Variants in TOX observed in about 807,000 individuals in gnomAD.
TOX encodes thymocyte selection associated high mobility group box, also known as thymocyte selection-associated high mobility group box protein TOX.
In TOX, 11 loss-of-function variants were observed where a neutral mutation model predicts 53.7. That is an observed-to-expected ratio of 0.20 (90% confidence interval 0.13 to 0.34). The LOEUF (loss-of-function observed/expected upper bound fraction) is 0.34. TOX is among the 10% of genes least tolerant of loss of function. The probability of loss-of-function intolerance (pLI) is 1.00; values close to 1 mark genes in which losing one functional copy is unlikely to be tolerated. For synonymous variants in TOX, 225 were observed against 245.3 expected, an observed-to-expected ratio of 0.92 and a Z score of 0.77; for missense variants, 570 against 664.6, an observed-to-expected ratio of 0.86 and a Z score of 1.56.
intron 3 of TOX, among the ~76,000 whole-genome samples, chr8:58,931,268 C>A (rs1812248884): frequency 6.6e-6 from 1 of 151,846 alleles, no homozygotes; most frequent in Non-Finnish European, 1.5e-5. Context: ...AATTAATCTG[C>A]AATCTCAGGT....
At chr8:59,103,658 A>G (rs747161462) in intron 1 of TOX, among the ~76,000 whole-genome samples, 1 of 152,180 alleles carries the variant, frequency 6.6e-6, no homozygotes, top group Non-Finnish European at 1.5e-5. Context: ...ACTCCAGTGG[A>G]AAAGTTGGAA....
At position 58,819,388 on chromosome 8, in the gene TOX, C is replaced by CACTTTGAATCCCACA. The variant is rs1275308321; in HGVS notation, c.1006-3665_1006-3664insTGTGGGATTCAAAGT. On this transcript the variant is annotated intron_variant, in intron 6 of 8. Coordinates refer to ENST00000361421, the MANE Select transcript of TOX (RefSeq NM_014729.3). ...TAGCTTGTAGACAACTGAAAATCAA[C>CACTTTGAATCCCACA]CTTTGAATCCCACACTTTCACAGAA... Among the ~76,000 whole-genome samples, 4 of 152,084 alleles carry CACTTTGAATCCCACA rather than the reference C, an allele frequency of 2.6e-5. No individual in the cohort carries two copies. The East Asian group carries it at 7.8e-4, about 30-fold the overall frequency.
intron 1 of TOX, among the ~76,000 whole-genome samples, chr8:59,037,298 A>C (rs75892427): frequency 0.024 from 3,551 of 151,024 alleles, 76 homozygotes; most frequent in South Asian, 0.072. Flanking sequence ...CTAACTTTTT[A>C]AATATATTTT....
chr8:59,024,746 C>A (rs1814203798), intron 1 of TOX, among the ~76,000 whole-genome samples: 1 of 151,708 alleles, frequency 6.6e-6, no homozygotes, highest in African/African-American at 2.4e-5. Flanking sequence ...TTGTCTTTAC[C>A]CCCGAAAAAG....
intron 1 of TOX, among the ~76,000 whole-genome samples, chr8:59,088,499 A>C (rs1290012001): frequency 6.6e-6 from 1 of 152,224 alleles, no homozygotes; most frequent in Non-Finnish European, 1.5e-5. Context: ...CCAGCATTAC[A>C]TTTTGGGTAC....
rs976814712 is a variant in TOX at position 58,807,845 on chromosome 8, G to C, written c.1545-62C>G. ...GACAACCTGTGCTACAGGTGACAAT[G>C]GGGGGATGGATGTCTTTGAATTATT... On this transcript the variant is annotated intron_variant, in intron 8 of 8. Coordinates refer to ENST00000361421, the MANE Select transcript of TOX (RefSeq NM_014729.3). 2.5e-6 allele frequency: 4 copies of C among 1,592,754 alleles called. No individual in the cohort carries two copies. In the African/African-American group the frequency reaches 5.4e-5, roughly 21 times the overall value.
chr8:59,056,654 G>A (rs868747909), intron 1 of TOX, among the ~76,000 whole-genome samples: 56 of 152,132 alleles, frequency 3.7e-4, no homozygotes, highest in African/African-American at 1.3e-3. Context: ...TGTGTCATTC[G>A]TTATATAAAA....
intron 1 of TOX, among the ~76,000 whole-genome samples, chr8:58,962,865 G>C (rs886886102): frequency 6.6e-6 from 1 of 152,120 alleles, no homozygotes; most frequent in African/African-American, 2.4e-5. Context: ...TAATTCTATA[G>C]GTCAACTTGA....
chr8:58,818,504 C>A (rs904531590), intron 6 of TOX, among the ~76,000 whole-genome samples: 4 of 152,136 alleles, frequency 2.6e-5, no homozygotes, highest in African/African-American at 9.7e-5. Context: ...TGTCCTGATT[C>A]CTCCAAAAGG....
At chr8:58,964,468 C>T (rs1309522425) in intron 1 of TOX, among the ~76,000 whole-genome samples, 1 of 152,092 alleles carries the variant, frequency 6.6e-6, no homozygotes, top group Non-Finnish European at 1.5e-5. Flanking sequence ...ACAGCTCCGT[C>T]CAACCACACC....
intron 1 of TOX, among the ~76,000 whole-genome samples, chr8:59,049,997 T>C (rs148697371): frequency 2.2e-3 from 340 of 152,240 alleles, no homozygotes; most frequent in Non-Finnish European, 3.7e-3. Context: ...CAATAAAACA[T>C]ATCCAGGGGT....
intron 3 of TOX, among the ~76,000 whole-genome samples, chr8:58,928,197 G>T (rs1394688009): frequency 6.6e-6 from 1 of 152,248 alleles, no homozygotes; most frequent in Admixed American, 6.5e-5. Context: ...TTATGCGGGA[G>T]ATGCTGCAGG....
chr8:58,879,068 A>AAAAC (rs984704618), intron 3 of TOX, among the ~76,000 whole-genome samples: 2 of 151,714 alleles, frequency 1.3e-5, no homozygotes, highest in African/African-American at 4.9e-5. Context: ...CTCAAAAAAA[A>AAAAC]AAAAACAAAA....
rs73252647 is a variant in TOX, at chr8:58,905,966, T to C, written c.411+33336A>G. On this transcript the variant is annotated intron_variant, in intron 3 of 8. Transcript: ENST00000361421. ...GTGAGACCACTTTCCTTTTAATTAC[T>C]GTCAAATTCAATTTCACACCTTTTC... 6.3e-3 allele frequency among the ~76,000 whole-genome samples: 966 copies of C among 152,318 alleles called. 10 individuals are homozygous for C. The highest frequency in any genetic ancestry group is 0.022 in the African/African-American group (914 of 41,568).
intron 1 of TOX, among the ~76,000 whole-genome samples, chr8:59,104,921 T>C (rs944845614): frequency 6.6e-6 from 1 of 152,150 alleles, no homozygotes; most frequent in African/African-American, 2.4e-5. Flanking sequence ...GGTTCCATGA[T>C]AGTTATCTGT....
intron 3 of TOX, among the ~76,000 whole-genome samples, chr8:58,878,238 C>G (rs1001767650): frequency 6.6e-5 from 10 of 151,782 alleles, no homozygotes; most frequent in Non-Finnish European, 1.3e-4. Flanking sequence ...TCTAAAAACT[C>G]CTTTGCTCTC....
At chr8:59,003,453 A>G (rs1417190882) in intron 1 of TOX, among the ~76,000 whole-genome samples, 1 of 152,232 alleles carries the variant, frequency 6.6e-6, no homozygotes, top group Non-Finnish European at 1.5e-5. Context: ...AACGAGTGAC[A>G]TAAGGAAGAG....
At chr8:58,975,287 G>A (rs1813076183) in intron 1 of TOX, among the ~76,000 whole-genome samples, 1 of 151,888 alleles carries the variant, frequency 6.6e-6, no homozygotes, top group South Asian at 2.1e-4. Flanking sequence ...GAGAGAGAGA[G>A]AGGGGAGATT....
chr8:59,098,004 G>A (rs1804741729), intron 1 of TOX, among the ~76,000 whole-genome samples: 1 of 152,016 alleles, frequency 6.6e-6, no homozygotes, highest in Admixed American at 6.6e-5. Flanking sequence ...GGGAATCACG[G>A]AGGGAAATCC....
Sources: allele counts gnomAD v4.1 joint callset (sites outside exome capture counted in the v4.1 genomes callset), GRCh38; gene constraint gnomAD v4.1.1; transcripts MANE v1.5; gene names NCBI Gene and HGNC (gene_info 2026-07-23, HGNC 2026-07-21).